SREBF2: variants seen among roughly 807,000 people sequenced by gnomAD.
SREBF2 encodes the protein sterol regulatory element binding transcription factor 2.
A neutral mutation model predicts 113.1 loss-of-function variants in SREBF2; 55 were observed. The observed-to-expected ratio is 0.49, with a 90% CI of 0.39 to 0.61. SREBF2 has a LOEUF of 0.61. Ranked by LOEUF, SREBF2 falls within the 20% of genes least tolerant of loss-of-function variation. The pLI is 0.00. For missense variants in SREBF2, 1,349 were observed against 1,487.4 expected (o/e 0.91, Z 1.53); for synonymous variants, 593 against 605.7 (o/e 0.98, Z 0.31).
chr22:41,844,033 T>TACACACACACACAC (rs71311415), intron 1 of SREBF2, among the ~76,000 whole-genome samples: 2,035 of 123,078 alleles, frequency 0.017, 22 homozygotes, highest in Non-Finnish European at 0.02. Flanking sequence ...AAAAAATACA[T>TACACACACACACAC]ACACACACAC....
Position 41,870,882 on chromosome 22 carries a change from C to T in SREBF2, c.721-7C>T, listed in dbSNP as rs1602308977. 1 of 1,614,182 alleles carries T rather than the reference C, an allele frequency of 6.2e-7. No homozygotes were observed. The highest frequency in any genetic ancestry group is 8.5e-7 in the Non-Finnish European group (1 of 1,180,042). On this transcript the variant is annotated splice_polypyrimidine_tract_variant and splice_region_variant and intron_variant, in intron 3 of 18. Transcript: ENST00000361204. ...CATCCTTTTACTTTTCTTCCTTCTT[C>T]ATCCAGGTCCTGGTCCAGCCTCAGA... is the stretch of plus-strand genomic sequence containing the variant.
chr22:41,880,828 G>A lies in SREBF2; in HGVS notation c.1874G>A (p.Arg625His), dbSNP rs1313349659. ...LACSLSWNVI[R>H]YSLQKLRLVR... is the part of the protein sequence containing the mutation. The stretch of plus-strand genomic sequence containing the variant: ...TGCAGCCTCTCCTGGAACGTGATCC[G>A]CTACAGCCTGCAGAAGCTACGCCTG... Residue 625 changes from arginine (R) to histidine (H), a missense_variant, in exon 10 of 19, where the codon CGC becomes CAC. Transcript: ENST00000361204. 3.7e-5 allele frequency: 59 copies of A among 1,614,018 alleles called. No individual in the cohort carries two copies. The highest frequency in any genetic ancestry group is 4.8e-5 in the Non-Finnish European group (57 of 1,180,042).
chr22:41,844,340 G>T (rs578070988), intron 1 of SREBF2, among the ~76,000 whole-genome samples: 9 of 152,270 alleles, frequency 5.9e-5, no homozygotes, highest in African/African-American at 2.2e-4. Flanking sequence ...AGGACTAGGG[G>T]ACCTGTTTTT....
intron 1 of SREBF2, among the ~76,000 whole-genome samples, chr22:41,859,478 C>T (rs969584125): frequency 2.6e-5 from 4 of 152,196 alleles, no homozygotes; most frequent in Admixed American, 6.5e-5. Flanking sequence ...GTTTTCTGCA[C>T]TTCCTAGTGT....
chr22:41,847,306 C>A (rs2076885715), intron 1 of SREBF2, among the ~76,000 whole-genome samples: 1 of 152,112 alleles, frequency 6.6e-6, no homozygotes, highest in Admixed American at 6.6e-5. Context: ...AATGTGAGGG[C>A]CTCCTTTTGC....
At chr22:41,888,386 A>AAAT (rs1432742117) in intron 11 of SREBF2, among the ~76,000 whole-genome samples, 1 of 152,212 alleles carries the variant, frequency 6.6e-6, no homozygotes, top group African/African-American at 2.4e-5. Flanking sequence ...CTGTTATTTT[A>AAAT]AAAACTATCC....
intron 4 of SREBF2, among the ~76,000 whole-genome samples, chr22:41,871,822 C>A (rs2077145037): frequency 6.6e-6 from 1 of 150,808 alleles, no homozygotes; most frequent in South Asian, 2.1e-4. Flanking sequence ...TTGCTTGAAC[C>A]TGAGAGGTGG....
At chr22:41,878,724 A>G (rs998629552) in intron 9 of SREBF2, 2 of 1,304,312 alleles carry the variant, frequency 1.5e-6, no homozygotes, top group Non-Finnish European at 2.0e-6. Context: ...TCCACATTTC[A>G]AGAGGAACAA....
At position 41,903,042 on chromosome 22, in the gene SREBF2, A is replaced by G. The variant is rs773176649; in HGVS notation, c.2980A>G (p.Ser994Gly). 2 of 1,609,146 alleles carry G rather than the reference A, an allele frequency of 1.2e-6. No homozygotes were observed. Among genetic ancestry groups the G allele is most frequent in the Non-Finnish European group, 1.7e-6 (2 of 1,178,102 alleles). ...TALWQKQASA[S>G]QAVGETYHAS... Reference sequence around the variant, plus strand: ...GCTCTGGCAAAAACAGGCCAGTGCCAGCCAGGCTGTGGGGGAGACCTACCA... The same window carrying G: ...GCTCTGGCAAAAACAGGCCAGTGCCGGCCAGGCTGTGGGGGAGACCTACCA... Residue 994 changes from serine to glycine, a missense_variant, in exon 17 of 19, where the codon AGC (serine) becomes GGC (glycine). Around this residue, in one of 2 missense-constraint regions of SREBF2, gnomAD observed 650 missense variants for 644.1 expected, o/e 1.01. Transcript: ENST00000361204.
chr22:41,904,304 G>A (rs1417637384), intron 17 of SREBF2, among the ~76,000 whole-genome samples: 1 of 152,182 alleles, frequency 6.6e-6, no homozygotes, highest in African/African-American at 2.4e-5. Flanking sequence ...TGAAGACTGA[G>A]ATATAAAGGC....
intron 11 of SREBF2, chr22:41,885,782 A>G (rs1008702230): frequency 8.5e-5 from 13 of 153,086 alleles, no homozygotes; most frequent in African/African-American, 3.1e-4. Context: ...CCACATCTCT[A>G]TTTGTTTCCG....
intron 1 of SREBF2, among the ~76,000 whole-genome samples, chr22:41,862,523 T>G (rs981656636): frequency 3.3e-5 from 5 of 152,088 alleles, no homozygotes; most frequent in African/African-American, 4.8e-5. Context: ...TTTTCAAAGC[T>G]CCATAAAACT....
chr22:41,903,246 G>A (rs2077480225), intron 17 of SREBF2, 91 bp downstream of exon 17: 3 of 1,481,348 alleles, frequency 2.0e-6, no homozygotes, highest in African/African-American at 2.8e-5. Context: ...TGTGGTTGTG[G>A]AGTTGGCCCT....
intron 1 of SREBF2, among the ~76,000 whole-genome samples, chr22:41,863,178 T>C (rs987979957): frequency 3.9e-5 from 6 of 152,160 alleles, no homozygotes; most frequent in African/African-American, 1.4e-4. Context: ...AGAGGCCAAG[T>C]GTGTATTTTC....
chr22:41,835,642 T>C (rs2076766301), intron 1 of SREBF2, among the ~76,000 whole-genome samples: 1 of 150,918 alleles, frequency 6.6e-6, no homozygotes, highest in Non-Finnish European at 1.5e-5. Flanking sequence ...CACCTAATTT[T>C]TTTTAGAGAC....
At chr22:41,852,728 ATTTTTTTTTTTTTTT>A (rs544824099) in intron 1 of SREBF2, among the ~76,000 whole-genome samples, 3 of 40,350 alleles carry the variant, frequency 7.4e-5, no homozygotes, top group Non-Finnish European at 1.4e-4. Context: ...TCTCAGAATG[ATTTTTTTTTTTTTTT>A]TTTTTTTTTT....
chr22:41,892,949 T>C (rs940522058), intron 11 of SREBF2, among the ~76,000 whole-genome samples, 168 bp from the exon 12 acceptor site: 1 of 152,178 alleles, frequency 6.6e-6, no homozygotes, highest in Non-Finnish European at 1.5e-5. Context: ...TGCCCTAGTT[T>C]CCATGGTGGG....
At chr22:41,891,677 C>T (rs751923687) in intron 11 of SREBF2, among the ~76,000 whole-genome samples, 1 of 152,208 alleles carries the variant, frequency 6.6e-6, no homozygotes, top group Non-Finnish European at 1.5e-5. Context: ...CAGCGCTGCT[C>T]CTGTGGGGGC....
chr22:41,856,748 A>G (rs2076980985), intron 1 of SREBF2, among the ~76,000 whole-genome samples: 1 of 152,184 alleles, frequency 6.6e-6, no homozygotes, highest in Non-Finnish European at 1.5e-5. Context: ...GGAGCAGTTC[A>G]TAGGAAGCTT....
Sources: gnomAD v4.1 joint callset for allele counts (sites outside exome capture counted in the v4.1 genomes callset) on GRCh38, gnomAD v4.1.1 for gene constraint, gnomAD v4.1.1 regional missense constraint, MANE v1.5 for transcripts, NCBI Gene and HGNC (gene_info 2026-07-23, HGNC 2026-07-21) for gene names.